Variants in LY9 observed in about 807,000 individuals in gnomAD.
LY9 encodes lymphocyte antigen 9.
In LY9, 59 loss-of-function variants were observed where a neutral mutation model predicts 64.6. The ratio of observed to expected loss-of-function variants is 0.91; its 90% CI spans 0.74 to 1.13. The LOEUF (loss-of-function observed/expected upper bound fraction) is 1.13. Ranked by LOEUF, LY9 falls within the 50% of genes most tolerant of loss-of-function variation. LY9 has a pLI of 0.00. For synonymous variants in LY9, 281 were observed against 308.5 expected, an observed-to-expected ratio of 0.91 and a Z score of 0.93; for missense variants, 789 against 797.2, an observed-to-expected ratio of 0.99 and a Z score of 0.12.
rs529487540 is a variant in LY9 at position 160,796,433 on chromosome 1, G to A, written c.124+122G>A. On this transcript the variant is annotated intron_variant, in intron 1 of 9. Transcript: ENST00000263285. ...TTTTTTAACGGAGTCTCACTCTGTTGCCAGGCTGGAGTGAAGTGGCGCAAT... is the reference window on the plus strand; with the variant it reads ...TTTTTTAACGGAGTCTCACTCTGTTACCAGGCTGGAGTGAAGTGGCGCAAT... 4 of 1,244,998 alleles carry A rather than the reference G, an allele frequency of 3.2e-6. No homozygotes were observed. The South Asian group carries it at 4.5e-5, about 14-fold the overall frequency. The allele number at this position is 1,244,998 out of a possible 1,614,324, so 77.1% of individuals were successfully genotyped here.
At chr1:160,805,919 C>CTTTTTTTTTTTTTTTTTTTT (rs60244350) in intron 2 of LY9, among the ~76,000 whole-genome samples, 1 of 72,460 alleles carries the variant, frequency 1.4e-5, no homozygotes, top group Non-Finnish European at 2.7e-5. Context: ...CATTCTTTGT[C>CTTTTTTTTTTTTTTTTTTTT]TTTTTTTTTT....
intron 2 of LY9, among the ~76,000 whole-genome samples, chr1:160,809,422 C>A (rs11578322): frequency 0.12 from 18,634 of 151,634 alleles, 1,418 homozygotes; most frequent in Non-Finnish European, 0.17. Flanking sequence ...CCAGGCTAGT[C>A]GCAAACTCCT....
rs1349818804 is a variant in LY9 at position 160,814,544 on chromosome 1, C to T, written c.855C>T (p.Asn285=). The part of the protein sequence containing the change: ...RDTEKVVWLF[N]TSIISKEREE... ...CAGAGAAGGTTGTCTGGTTGTTTAA[C>T]ACATCCATCATTAGCAAAGAGAGGG... Residue 285 remains asparagine (N), a synonymous_variant, in exon 4 of 10, where the codon AAC becomes AAT. Transcript: ENST00000263285. 6.2e-7 allele frequency: 1 copy of T among 1,614,130 alleles called. No homozygotes were observed. Among genetic ancestry groups the T allele is most frequent in the South Asian group, 1.1e-5 (1 of 91,082 alleles).
At chr1:160,806,574 C>G (rs1394190938) in intron 2 of LY9, among the ~76,000 whole-genome samples, 1 of 152,202 alleles carries the variant, frequency 6.6e-6, no homozygotes, top group Non-Finnish European at 1.5e-5. Context: ...TTCTGGCCTG[C>G]AAAGTTTCTG....
chr1:160,819,694 G>A (rs976010280), intron 7 of LY9, among the ~76,000 whole-genome samples: 5 of 151,370 alleles, frequency 3.3e-5, no homozygotes, highest in African/African-American at 1.2e-4. Context: ...GGGAGGCTGA[G>A]GCATGAGAAT....
chr1:160,797,976 A>C (rs774164638), intron 1 of LY9, among the ~76,000 whole-genome samples: 14 of 152,284 alleles, frequency 9.2e-5, no homozygotes, highest in Non-Finnish European at 1.9e-4. Flanking sequence ...ATTAAGAGAC[A>C]GGTGAGTCAA....
At chr1:160,802,499 C>A (rs1666593393) in intron 2 of LY9, 4 of 985,602 alleles carry the variant, frequency 4.1e-6, no homozygotes, top group Non-Finnish European at 4.8e-6. Flanking sequence ...TCCAACCCTG[C>A]GGGCCGCGCC....
In LY9 at chr1:160,813,863, G is replaced by T. The variant is rs376163756; in HGVS notation, c.682G>T (p.Val228Phe). The T allele has an allele frequency of 6.2e-7, 1 of 1,614,090 alleles. No homozygotes were observed. The highest frequency in any genetic ancestry group is 8.5e-7 in the Non-Finnish European group (1 of 1,180,018). ...LPYICTAQNP[V>F]SQRSSLPVHV... ...ATACATCTGCACAGCCCAGAACCCC[G>T]TCAGCCAGAGAAGCTCCCTCCCTGT... The change falls in exon 3 of 10, where the codon GTC becomes TTC. Residue 228 changes from valine to phenylalanine, a missense_variant. Transcript: ENST00000263285.
Position 160,814,738 on chromosome 1 carries a change from C to T in LY9, c.1049C>T (p.Thr350Ile), listed in dbSNP as rs748064331. ...CSEASSVTSM[T>I]HVTLLIYRRL... The stretch of plus-strand genomic sequence containing the variant: ...GAGGCCTCCAGCGTCACCAGCATGA[C>T]ACATGTCACCCTGCTCATCTACCGT... Residue 350 changes from threonine to isoleucine, a missense_variant, in exon 4 of 10, where the codon ACA becomes ATA. Thr to Ile is a moderately conservative substitution (Grantham distance 89). Coordinates refer to ENST00000263285, the MANE Select transcript of LY9 (RefSeq NM_002348.4). 1.9e-6 allele frequency: 3 copies of T among 1,613,722 alleles called. No individual in the cohort carries two copies. Among genetic ancestry groups the T allele is most frequent in the South Asian group, 1.1e-5 (1 of 91,002 alleles).
rs1571047897 is a variant in LY9 at position 160,820,199 on chromosome 1, T to A, written c.1498+825T>A. 3.9e-5 allele frequency among the ~76,000 whole-genome samples: 6 copies of A among 152,132 alleles called. No individual in the cohort carries two copies. The South Asian group carries it at 1.2e-3, about 32-fold the overall frequency. ...GGTAGAAAAAAATTTAAAACTTAAT[T>A]AAAATTAAACTTCAGGAGACTGTAC... On this transcript the variant is annotated intron_variant, in intron 7 of 9. Coordinates refer to ENST00000263285, the MANE Select transcript of LY9 (RefSeq NM_002348.4).
In LY9 at chr1:160,813,820, A is replaced by G. The variant is rs749087559; in HGVS notation, c.639A>G (p.Pro213=). The part of the protein sequence containing the change: ...GGSILTVSRT[P]CDPDLPYICT... ...CCATTCTTACCGTCTCCCGAACACCATGTGACCCAGACCTGCCATACATCT... is the reference window on the plus strand; with the variant it reads ...CCATTCTTACCGTCTCCCGAACACCGTGTGACCCAGACCTGCCATACATCT... The change falls in exon 3 of 10, where the codon CCA becomes CCG. Residue 213 remains proline, a synonymous_variant. Transcript: ENST00000263285. The G allele has an allele frequency of 1.8e-5, 29 of 1,614,184 alleles. No individual in the cohort carries two copies. The highest frequency in any genetic ancestry group is 5.3e-5 in the African/African-American group (4 of 75,034).
intron 2 of LY9, 43 bp downstream of exon 2, chr1:160,800,125 T>A (rs1447018328): frequency 6.7e-7 from 1 of 1,499,934 alleles, no homozygotes; most frequent in Non-Finnish European, 9.1e-7. Flanking sequence ...TTTCTTTTTT[T>A]TATTTGTGCA....
chr1:160,817,054 GAAGA>G (rs1463155130), intron 5 of LY9, among the ~76,000 whole-genome samples, 191 bp downstream of exon 5: 2 of 152,088 alleles, frequency 1.3e-5, no homozygotes, highest in Admixed American at 6.5e-5. Flanking sequence ...GAAAAAGCAA[GAAGA>G]AATAAAGTTA....
intron 8 of LY9, 42 bp from the exon 9 acceptor site, chr1:160,824,139 T>A: frequency 3.7e-6 from 6 of 1,613,042 alleles, no homozygotes; most frequent in Non-Finnish European, 5.1e-6. Flanking sequence ...TGAAAAGCTC[T>A]CATGTGGTCA....
At chr1:160,819,052 C>T (rs1170138996) in intron 6 of LY9, among the ~76,000 whole-genome samples, 1 of 152,144 alleles carries the variant, frequency 6.6e-6, no homozygotes, top group African/African-American at 2.4e-5. Context: ...AGGCAAACTA[C>T]TCTGATCAGT....
At chr1:160,823,913 A>G (rs958390169) in intron 8 of LY9, 117 bp downstream of exon 8, 22 of 868,486 alleles carry the variant, frequency 2.5e-5, no homozygotes, top group South Asian at 2.5e-4. Context: ...GACTAGGGGC[A>G]TACGGGCAGG....
At chr1:160,818,166 C>T (rs1444689854) in intron 5 of LY9, 52 bp from the exon 6 acceptor site, 50 of 1,190,710 alleles carry the variant, frequency 4.2e-5, no homozygotes, top group Non-Finnish European at 5.1e-5. Context: ...ATTGTTTGCT[C>T]CAGTGTGTCT....
At chr1:160,800,371 T>G in intron 2 of LY9, 1 of 315,792 alleles carries the variant, frequency 3.2e-6, no homozygotes. Context: ...CTTCTCAGTC[T>G]CTGCTATCTA....
intron 2 of LY9, among the ~76,000 whole-genome samples, chr1:160,804,196 T>C (rs1241595064): frequency 1.3e-5 from 2 of 152,242 alleles, no homozygotes; most frequent in Non-Finnish European, 2.9e-5. Flanking sequence ...TTTCAGCTTT[T>C]CCCCATTTGG....
Sources: allele counts gnomAD v4.1 joint callset (sites outside exome capture counted in the v4.1 genomes callset), GRCh38; gene constraint gnomAD v4.1.1; transcripts MANE v1.5; gene names NCBI Gene and HGNC (gene_info 2026-07-23, HGNC 2026-07-21).